DPH6: variants seen among roughly 807,000 people sequenced by gnomAD.
The protein encoded by DPH6 is diphthamine biosynthesis 6, also known as diphthine--ammonia ligase.
Under a neutral mutation model 38.2 loss-of-function variants are expected in DPH6, and 33 were observed. That is an observed-to-expected ratio of 0.86 (90% CI 0.65 to 1.15). The LOEUF (loss-of-function observed/expected upper bound fraction) is 1.15, where lower values mean the gene tolerates loss of function less well. Ranked by LOEUF, DPH6 falls within the 50% of genes most tolerant of loss-of-function variation. The pLI is 0.00. For synonymous variants in DPH6, 108 were observed against 103.0 expected (o/e 1.05, Z -0.30); for missense variants, 325 against 320.0 (o/e 1.02, Z -0.12).
intron 3 of DPH6, among the ~76,000 whole-genome samples, chr15:35,515,000 T>C (rs1477653125): frequency 2.0e-5 from 3 of 152,156 alleles, no homozygotes; most frequent in East Asian, 1.9e-4. Flanking sequence ...GACTAATACA[T>C]AGCAGTAACT....
At chr15:35,289,171 T>C (rs2051962996) in intron 3 of DPH6, among the ~76,000 whole-genome samples, 1 of 152,168 alleles carries the variant, frequency 6.6e-6, no homozygotes, top group Non-Finnish European at 1.5e-5. Context: ...ATGAGATGGC[T>C]CTTAAAACAG....
intron 3 of DPH6, among the ~76,000 whole-genome samples, chr15:35,462,238 C>CT (rs1328168544): frequency 3.3e-5 from 5 of 152,126 alleles, no homozygotes. Context: ...ACTGGCCTCC[C>CT]TAAGTCCACT....
At chr15:35,184,224 G>A in the DPH6 span, among the ~76,000 whole-genome samples, 1 of 152,132 alleles carries the variant, frequency 6.6e-6, no homozygotes, top group Non-Finnish European at 1.5e-5. Flanking sequence ...TCAGTTTTGC[G>A]ATGGTTTCAT....
the DPH6 span, among the ~76,000 whole-genome samples, chr15:35,199,853 T>A: frequency 3.3e-5 from 5 of 150,768 alleles, no homozygotes; most frequent in Admixed American, 6.6e-5. Flanking sequence ...AAAAAAAAAA[T>A]ACCTCTCTCA....
chr15:35,202,386 A>T, the DPH6 span, among the ~76,000 whole-genome samples: 2 of 151,802 alleles, frequency 1.3e-5, no homozygotes, highest in African/African-American at 4.8e-5. Flanking sequence ...CTTCTTTAAT[A>T]ATTCTTAGAG....
the DPH6 span, among the ~76,000 whole-genome samples, chr15:35,157,379 A>G: frequency 6.6e-6 from 1 of 152,086 alleles, no homozygotes; most frequent in African/African-American, 2.4e-5. Context: ...TGGCTTCATG[A>G]ATGTTAGGCA....
chr15:35,245,375 A>G (rs2051630065), intron 3 of DPH6, among the ~76,000 whole-genome samples: 3 of 151,274 alleles, frequency 2.0e-5, no homozygotes. Context: ...AGTAGCTGGG[A>G]CTACAGGCGC....
At chr15:35,382,698 CA>C (rs2140941182) in intron 6 of DPH6, among the ~76,000 whole-genome samples, 1 of 152,196 alleles carries the variant, frequency 6.6e-6, no homozygotes, top group African/African-American at 2.4e-5. Context: ...AAGTCACATA[CA>C]TGTTTATTAT....
chr15:35,526,595 C>T (rs766689771), intron 3 of DPH6, among the ~76,000 whole-genome samples: 5 of 152,124 alleles, frequency 3.3e-5, no homozygotes, highest in East Asian at 1.9e-4. Context: ...CATTCTACTG[C>T]CTCTGAAGAA....
chr15:35,281,162 C>A (rs1389416570), intron 3 of DPH6, among the ~76,000 whole-genome samples: 1 of 151,898 alleles, frequency 6.6e-6, no homozygotes, highest in African/African-American at 2.4e-5. Context: ...TCCTTTACTA[C>A]CACTTCACAC....
At chr15:35,461,843 C>T (rs1232008856) in intron 3 of DPH6, among the ~76,000 whole-genome samples, 1 of 152,142 alleles carries the variant, frequency 6.6e-6, no homozygotes, top group East Asian at 1.9e-4. Context: ...CACTTACTCT[C>T]TTCTATATAG....
downstream of DPH6, among the ~76,000 whole-genome samples, chr15:35,330,057 C>T (rs953766699): frequency 2.0e-5 from 3 of 152,160 alleles, no homozygotes; most frequent in African/African-American, 7.2e-5. Context: ...AAGATTTACA[C>T]TAAACACTAT....
intron 1 of DPH6, among the ~76,000 whole-genome samples, chr15:35,545,766 GAA>G (rs1010707667): frequency 1.3e-5 from 2 of 149,368 alleles, no homozygotes; most frequent in Non-Finnish European, 3.0e-5. Flanking sequence ...ATTAGAGCTT[GAA>G]AAAAAAAAAT....
At chr15:35,478,690 A>T (rs1193521434) in intron 3 of DPH6, among the ~76,000 whole-genome samples, 3 of 151,910 alleles carry the variant, frequency 2.0e-5, no homozygotes, top group African/African-American at 7.2e-5. Context: ...ATACTAAATT[A>T]ATTAAGAAAG....
chr15:35,290,709 G>A (rs911670631), intron 3 of DPH6, among the ~76,000 whole-genome samples: 1 of 151,988 alleles, frequency 6.6e-6, no homozygotes, highest in Non-Finnish European at 1.5e-5. Flanking sequence ...ACCCACTTCC[G>A]TCCCCCTTTC....
At chr15:35,339,050 T>C (rs1325823799) in intron 3 of DPH6, among the ~76,000 whole-genome samples, 1 of 149,702 alleles carries the variant, frequency 6.7e-6, no homozygotes, top group Non-Finnish European at 1.5e-5. Context: ...GGGTAGCGGG[T>C]GGGGGATAGC....
intron 3 of DPH6, among the ~76,000 whole-genome samples, chr15:35,533,006 C>T (rs1428174184): frequency 2.0e-5 from 3 of 151,702 alleles, no homozygotes; most frequent in African/African-American, 7.3e-5. Context: ...ACTCAGGAGG[C>T]TGAAGCAGGA....
the DPH6 span, chr15:35,169,496 T>A: frequency 6.6e-6 from 1 of 152,176 alleles, no homozygotes; most frequent in Admixed American, 6.6e-5. Context: ...ACTGATAGGC[T>A]TTCTCATGAC....
At chr15:35,377,582 C>A (rs1296924151) in intron 7 of DPH6, among the ~76,000 whole-genome samples, 1 of 152,104 alleles carries the variant, frequency 6.6e-6, no homozygotes, top group Non-Finnish European at 1.5e-5. Context: ...CTACAATTAT[C>A]CTTTTCTCTT....
Sources: gnomAD v4.1 joint callset for allele counts (sites outside exome capture counted in the v4.1 genomes callset) on GRCh38, gnomAD v4.1.1 for gene constraint, MANE v1.5 for transcripts, NCBI Gene and HGNC (gene_info 2026-07-23, HGNC 2026-07-21) for gene names.